The following GRM5 variants were observed in gnomAD, a reference collection of about 807,000 sequenced individuals.
GRM5 encodes the protein metabotropic glutamate receptor 5.
A neutral mutation model predicts 83.1 loss-of-function variants in GRM5; 19 were observed. The observed-to-expected ratio is 0.23, with a 90% confidence interval of 0.16 to 0.34. GRM5 has a LOEUF of 0.34. GRM5 is among the 10% of genes least tolerant of loss of function. The pLI is 1.00. For missense variants in GRM5, 1,160 were observed against 1,588.3 expected, an observed-to-expected ratio of 0.73 and a Z score of 4.58; for synonymous variants, 675 against 633.6, an observed-to-expected ratio of 1.07 and a Z score of -0.98.
intron 4 of GRM5, among the ~76,000 whole-genome samples, chr11:88,645,099 G>T (rs1360602577): frequency 6.6e-6 from 1 of 152,068 alleles, no homozygotes; most frequent in African/African-American, 2.4e-5. Flanking sequence ...ACAACCCAGA[G>T]AAATCTCATT....
rs550098789 is a variant in GRM5, at chr11:88,711,970, T to G, written c.912-58567A>C. ...GAATTCCTTTAAGGCAAGCATTATG[T>G]CTCGTTCATTTTGCATCTCAGGAAC... On this transcript the variant is annotated intron_variant, in intron 3 of 9. Transcript: ENST00000305447. Among the ~76,000 whole-genome samples, 107 of 152,228 alleles carry G rather than the reference T, an allele frequency of 7.0e-4. 1 individual carries two copies. The highest frequency in any genetic ancestry group is 2.5e-3 in the African/African-American group (102 of 41,562).
intron 2 of GRM5, among the ~76,000 whole-genome samples, chr11:88,899,760 T>C (rs1190654259): frequency 1.3e-5 from 2 of 152,090 alleles, no homozygotes; most frequent in African/African-American, 4.8e-5. Context: ...CTTTACATCT[T>C]TTAAGAAAAG....
chr11:88,908,155 C>G (rs1484693794), intron 2 of GRM5, among the ~76,000 whole-genome samples: 1 of 152,088 alleles, frequency 6.6e-6, no homozygotes, highest in East Asian at 1.9e-4. Context: ...ATACAAACAT[C>G]ATGTTTTCCA....
At position 88,791,778 on chromosome 11, in the gene GRM5, A is replaced by G. The variant is rs182684204; in HGVS notation, c.911+58128T>C. Among the ~76,000 whole-genome samples, 158 of 152,300 alleles carry G rather than the reference A, an allele frequency of 1.0e-3. 2 individuals carry two copies. The highest frequency in any genetic ancestry group is 2.8e-4 in the Non-Finnish European group (19 of 67,990). ...TTGTGGCATAATCAGTATTGAAATG[A>G]AATCAATTCTAAATCATGTTTGACT... On this transcript the variant is annotated intron_variant, in intron 3 of 9. Transcript: ENST00000305447.
chr11:88,980,089 C>G (rs529861569), intron 2 of GRM5, among the ~76,000 whole-genome samples: 1 of 152,062 alleles, frequency 6.6e-6, no homozygotes, highest in Non-Finnish European at 1.5e-5. Flanking sequence ...TCTTAGTGTG[C>G]GGAGGTTGGA....
intron 3 of GRM5, among the ~76,000 whole-genome samples, chr11:88,714,407 C>T (rs1426507239): frequency 6.6e-6 from 1 of 151,930 alleles, no homozygotes; most frequent in Non-Finnish European, 1.5e-5. Context: ...GTGACATCTA[C>T]ATCCATCTTT....
intron 2 of GRM5, among the ~76,000 whole-genome samples, chr11:88,962,839 C>T (rs1190813086): frequency 2.0e-5 from 3 of 152,146 alleles, no homozygotes; most frequent in Admixed American, 2.0e-4. Flanking sequence ...GCCTGAAATC[C>T]CAGCACTTTG....
chr11:88,615,264 GATA>G (rs1252056621), intron 4 of GRM5, among the ~76,000 whole-genome samples: 1 of 151,962 alleles, frequency 6.6e-6, no homozygotes, highest in Non-Finnish European at 1.5e-5. Flanking sequence ...CCCTCAAAAT[GATA>G]ATAATAAAAA....
At chr11:88,872,486 T>TA (rs1944786614) in intron 2 of GRM5, among the ~76,000 whole-genome samples, 1 of 151,448 alleles carries the variant, frequency 6.6e-6, no homozygotes, top group Non-Finnish European at 1.5e-5. Context: ...TAGGCAATAT[T>TA]TAAAAATATA....
intron 3 of GRM5, among the ~76,000 whole-genome samples, chr11:88,663,749 T>C (rs1159268525): frequency 6.6e-6 from 1 of 152,182 alleles, no homozygotes; most frequent in African/African-American, 2.4e-5. Flanking sequence ...TTTTCAAAAA[T>C]ATTTCTCCTC....
intron 3 of GRM5, among the ~76,000 whole-genome samples, chr11:88,755,554 C>A (rs939686379): frequency 2.0e-5 from 3 of 152,052 alleles, no homozygotes; most frequent in African/African-American, 7.2e-5. Flanking sequence ...CAGATGTTAG[C>A]ATGATTTTGT....
chr11:88,873,501 A>G (rs1330658434), intron 2 of GRM5, among the ~76,000 whole-genome samples: 2 of 151,688 alleles, frequency 1.3e-5, no homozygotes, highest in African/African-American at 4.8e-5. Flanking sequence ...TGTTAAAATT[A>G]TATCAGATAA....
intron 2 of GRM5, among the ~76,000 whole-genome samples, chr11:88,972,708 G>C (rs1484327256): frequency 1.3e-5 from 2 of 152,054 alleles, no homozygotes; most frequent in African/African-American, 4.8e-5. Flanking sequence ...GAAAAATGGA[G>C]TATTCACATA....
intron 2 of GRM5, among the ~76,000 whole-genome samples, chr11:88,945,973 T>C (rs1481417490): frequency 6.6e-6 from 1 of 152,038 alleles, no homozygotes; most frequent in Non-Finnish European, 1.5e-5. Flanking sequence ...GAAGAAAATA[T>C]CTACAAACTA....
At chr11:88,963,698 G>A (rs1395743898) in intron 2 of GRM5, among the ~76,000 whole-genome samples, 1 of 152,076 alleles carries the variant, frequency 6.6e-6, no homozygotes, top group Admixed American at 6.6e-5. Context: ...TCTTAATTTG[G>A]ATGTTTTATG....
intron 8 of GRM5, among the ~76,000 whole-genome samples, chr11:88,554,802 C>A (rs1942588388): frequency 6.6e-6 from 1 of 152,132 alleles, no homozygotes; most frequent in African/African-American, 2.4e-5. Context: ...CACATAATCT[C>A]TGAGACTGCT....
At chr11:88,680,339 G>T (rs1441272235) in intron 3 of GRM5, among the ~76,000 whole-genome samples, 1 of 152,042 alleles carries the variant, frequency 6.6e-6, no homozygotes, top group Admixed American at 6.6e-5. Context: ...GTGGTGTTTG[G>T]TTTTTTGTCC....
intron 3 of GRM5, among the ~76,000 whole-genome samples, chr11:88,827,678 A>T (rs1393117001): frequency 6.6e-6 from 1 of 152,186 alleles, no homozygotes; most frequent in African/African-American, 2.4e-5. Context: ...AACTTTAAAA[A>T]ATCCTATCTG....
At chr11:88,647,822 C>T (rs1165652549) in intron 4 of GRM5, among the ~76,000 whole-genome samples, 1 of 152,080 alleles carries the variant, frequency 6.6e-6, no homozygotes, top group Non-Finnish European at 1.5e-5. Flanking sequence ...AAACAAACAA[C>T]CCCATCAAAA....
Sources: allele counts gnomAD v4.1 joint callset (sites outside exome capture counted in the v4.1 genomes callset), GRCh38; gene constraint gnomAD v4.1.1; transcripts MANE v1.5; gene names NCBI Gene and HGNC (gene_info 2026-07-23, HGNC 2026-07-21).